SEC61A2: variants seen among roughly 807,000 people sequenced by gnomAD.
SEC61A2 encodes the protein protein transport protein Sec61 subunit alpha isoform 2.
SEC61A2 carries 28 observed loss-of-function variants against 59.9 expected under a neutral mutation model. The ratio of observed to expected loss-of-function variants is 0.47; its 90% CI spans 0.35 to 0.64. The LOEUF (loss-of-function observed/expected upper bound fraction) is 0.64. Among genes scored for constraint, SEC61A2 ranks in the 30% least tolerant of loss-of-function variants. SEC61A2 has a pLI of 0.01. For synonymous variants in SEC61A2, 202 were observed against 214.4 expected (o/e 0.94, Z 0.50); for missense variants, 340 against 585.9 (o/e 0.58, Z 4.33).
downstream of SEC61A2, chr10:12,166,715 C>T (rs751355003): frequency 3.5e-5 from 18 of 510,134 alleles, no homozygotes; most frequent in African/African-American, 3.3e-4. Context: ...ACTGGAAAGT[C>T]CTGGAAAATC....
chr10:12,138,364 T>TA (rs1182927090), intron 3 of SEC61A2, among the ~76,000 whole-genome samples: 1 of 150,964 alleles, frequency 6.6e-6, no homozygotes, highest in East Asian at 1.9e-4. Context: ...TCCCCACCAT[T>TA]AAAAAAAAAG....
intron 4 of SEC61A2, among the ~76,000 whole-genome samples, chr10:12,146,852 C>G (rs1186531663): frequency 6.6e-6 from 1 of 151,834 alleles, no homozygotes; most frequent in Non-Finnish European, 1.5e-5. Context: ...TGTAAGAGCT[C>G]TTTGCACATG....
rs1301144583 is a variant in SEC61A2, at chr10:12,152,368, C to G, written c.462+2407C>G. ...ATGCTGGGATTACAGGCGTGAGCCA[C>G]CACGCCCCGCCCAGGGCAGGAATTT... On this transcript the variant is annotated intron_variant, in intron 6 of 11. Coordinates refer to ENST00000298428, the MANE Select transcript of SEC61A2 (RefSeq NM_018144.4). This position sits in a 1 kb window ranked among gnomAD's most constrained non-coding sequence, Gnocchi z 5.5. 6.7e-6 allele frequency among the ~76,000 whole-genome samples: 1 copy of G among 150,018 alleles called. No individual in the cohort carries two copies. Among genetic ancestry groups the G allele is most frequent in the Non-Finnish European group, 1.5e-5 (1 of 67,548 alleles).
At chr10:12,141,054 C>A (rs941346837) in intron 3 of SEC61A2, among the ~76,000 whole-genome samples, 4 of 152,164 alleles carry the variant, frequency 2.6e-5, no homozygotes, top group Non-Finnish European at 5.9e-5. Flanking sequence ...CACGAGCCGC[C>A]ACTCCCTGCT....
chr10:12,152,120 G>C lies in SEC61A2; in HGVS notation c.462+2159G>C, dbSNP rs374252853. On this transcript the variant is annotated intron_variant, in intron 6 of 11. Transcript: ENST00000298428. The surrounding 1 kb of genome is among the most constrained non-coding windows in gnomAD (Gnocchi z 5.5). ...TTTTTTCGAGACGGAGTCCTGCTCT[G>C]TCTCCCAGACTAAAGTGCAGTGGTG... Among the ~76,000 whole-genome samples the C allele has an allele frequency of 6.7e-6, 1 of 149,406 alleles. No homozygotes were observed. The highest frequency in any genetic ancestry group is 2.0e-4 in the East Asian group (1 of 5,022).
chr10:12,134,353 A>G (rs926973445), intron 2 of SEC61A2, among the ~76,000 whole-genome samples: 1 of 152,150 alleles, frequency 6.6e-6, no homozygotes, highest in African/African-American at 2.4e-5. Flanking sequence ...TGTTCCATTA[A>G]CATTTAAGGC....
At chr10:12,138,733 T>G (rs1448169856) in intron 3 of SEC61A2, among the ~76,000 whole-genome samples, 1 of 152,258 alleles carries the variant, frequency 6.6e-6, no homozygotes, top group Non-Finnish European at 1.5e-5. Context: ...GTTCTGATGT[T>G]GAAGTTATCA....
chr10:12,151,915 G>C (rs887760370), intron 6 of SEC61A2, among the ~76,000 whole-genome samples: 3 of 152,060 alleles, frequency 2.0e-5, no homozygotes, highest in Non-Finnish European at 4.4e-5. Flanking sequence ...TGGGATTACA[G>C]AGCATTCTGT....
chr10:12,166,660 C>G (rs1181321010), downstream of SEC61A2: 2 of 480,864 alleles, frequency 4.2e-6, no homozygotes, highest in African/African-American at 4.0e-5. Context: ...AGAAACATGA[C>G]TTAGGGCTGG....
In SEC61A2 at chr10:12,162,131, G is replaced by A; in HGVS notation, c.1168-82G>A. ...ATTGTATGTTACGTGTTAGTGTGTG[G>A]CGAGCACTTCGCATAGAACGTGGTA... On this transcript the variant is annotated intron_variant, in intron 10 of 11. Coordinates refer to ENST00000298428, the MANE Select transcript of SEC61A2 (RefSeq NM_018144.4). The surrounding 1 kb of genome is among the most constrained non-coding windows in gnomAD (Gnocchi z 6.1). 1 of 1,035,772 alleles carries A rather than the reference G, an allele frequency of 9.7e-7. No individual in the cohort carries two copies. Among genetic ancestry groups the A allele is most frequent in the South Asian group, 1.3e-5 (1 of 76,506 alleles). 64.2% of individuals were successfully genotyped at this position (1,035,772 alleles called of 1,614,324 possible).
intron 3 of SEC61A2, among the ~76,000 whole-genome samples, chr10:12,137,974 C>G (rs1833926507): frequency 1.3e-5 from 2 of 152,142 alleles, no homozygotes; most frequent in African/African-American, 4.8e-5. Flanking sequence ...CCATTGCACT[C>G]AAACCTGGGC....
In SEC61A2 at chr10:12,153,610, CTGA is replaced by C. The variant is rs1219021517; in HGVS notation, c.463-2166_463-2164del. ...ATGAAACAAGTGAAGTGGATGTACA[CTGA>C]TTCATTTACATGAATTCTGATACAC... On this transcript the variant is annotated intron_variant, in intron 6 of 11. Coordinates refer to ENST00000298428, the MANE Select transcript of SEC61A2 (RefSeq NM_018144.4). This position sits in a 1 kb window ranked among gnomAD's most constrained non-coding sequence, Gnocchi z 5.2. The C allele has an allele frequency of 6.5e-5, 65 of 998,650 alleles. No homozygotes were observed. The highest frequency in any genetic ancestry group is 8.9e-5 in the Non-Finnish European group (62 of 696,130). 61.9% of individuals were successfully genotyped at this position (998,650 alleles called of 1,614,324 possible).
In SEC61A2 at chr10:12,165,057, C is replaced by T; in HGVS notation, c.*603C>T. 1.0e-6 allele frequency: 1 copy of T among 987,344 alleles called. No individual in the cohort carries two copies. Among genetic ancestry groups the T allele is most frequent in the Non-Finnish European group, 1.2e-6 (1 of 830,730 alleles). The allele number at this position is 987,344 out of a possible 1,614,324, so 61.2% of individuals were successfully genotyped here. A position where few individuals can be genotyped will look rare whatever the true frequency, so the allele number is the denominator to read the frequency against. ...TCTAAGGCCTCCTCCTTCTCCTCCT[C>T]CTCTTCCTCTTCCTCCTTTTCCTTC... On this transcript the variant is annotated 3_prime_UTR_variant, in exon 12 of 12. Coordinates refer to ENST00000298428, the MANE Select transcript of SEC61A2 (RefSeq NM_018144.4).
Position 12,153,739 on chromosome 10 carries a change from C to T in SEC61A2, c.463-2039C>T, listed in dbSNP as rs760084917. The T allele has an allele frequency of 8.7e-6, 14 of 1,611,144 alleles. No individual in the cohort carries two copies. The highest frequency in any genetic ancestry group is 3.4e-5 in the Admixed American group (2 of 59,644). The stretch of plus-strand genomic sequence containing the variant: ...GTGACCCATTGGTGTCTTTTCAAGG[C>T]GTTACTAACATTGAAAATATGTGGA... On this transcript the variant is annotated intron_variant, in intron 6 of 11. Coordinates refer to ENST00000298428, the MANE Select transcript of SEC61A2 (RefSeq NM_018144.4). The surrounding 1 kb of genome is among the most constrained non-coding windows in gnomAD (Gnocchi z 5.2).
In SEC61A2 at chr10:12,152,782, A is replaced by G. The variant is rs1003847429; in HGVS notation, c.462+2821A>G. Among the ~76,000 whole-genome samples the G allele has an allele frequency of 6.6e-6, 1 of 152,058 alleles. No homozygotes were observed. Among genetic ancestry groups the G allele is most frequent in the East Asian group, 1.9e-4 (1 of 5,186 alleles). ...GTGGCAGGAGCCTGTAGTCCCAGCT[A>G]TTTGGGAGGCTGAGGCCGAACCCAG... is the stretch of plus-strand genomic sequence containing the variant. On this transcript the variant is annotated intron_variant, in intron 6 of 11. Transcript: ENST00000298428. The surrounding 1 kb of genome is among the most constrained non-coding windows in gnomAD (Gnocchi z 5.5).
chr10:12,164,958 T>C lies in SEC61A2; in HGVS notation c.*504T>C, dbSNP rs1834630903. On this transcript the variant is annotated 3_prime_UTR_variant, in exon 12 of 12. Transcript: ENST00000298428. The surrounding 1 kb of genome is among the most constrained non-coding windows in gnomAD (Gnocchi z 7.3). ...CTCCCCACCCCCACCTCATTTTTAT[T>C]TGTCCCTTCTCAAAGCAGCCACTTA... 2.0e-6 allele frequency: 2 copies of C among 983,734 alleles called. No homozygotes were observed. Among genetic ancestry groups the C allele is most frequent in the Non-Finnish European group, 2.4e-6 (2 of 828,660 alleles). The allele number at this position is 983,734 out of a possible 1,614,324, so 60.9% of individuals were successfully genotyped here.
intron 2 of SEC61A2, among the ~76,000 whole-genome samples, chr10:12,134,046 C>CAG (rs1833823828): frequency 6.9e-6 from 1 of 144,474 alleles, no homozygotes; most frequent in Admixed American, 7.0e-5. Flanking sequence ...TCGCTCTGTC[C>CAG]CCCAGGCTGG....
chr10:12,165,096 T>C lies in SEC61A2; in HGVS notation c.*642T>C. On this transcript the variant is annotated 3_prime_UTR_variant, in exon 12 of 12. Transcript: ENST00000298428. ...TCCTTTTCCTTCTCCTCCTCCTCTC[T>C]TCCCAGTGACAGCATCATCGTGCTG... 1.0e-6 allele frequency: 1 copy of C among 986,500 alleles called. No individual in the cohort carries two copies. The highest frequency in any genetic ancestry group is 1.7e-5 in the African/African-American group (1 of 57,150). 61.1% of individuals were successfully genotyped at this position (986,500 alleles called of 1,614,324 possible). A position where few individuals can be genotyped will look rare whatever the true frequency, so the allele number is the denominator to read the frequency against.
downstream of SEC61A2, chr10:12,167,817 G>A (rs376017113): frequency 1.9e-3 from 2,994 of 1,613,120 alleles, 3 homozygotes; most frequent in Non-Finnish European, 2.3e-3. Context: ...CAGAGCTGTG[G>A]AAAGCAAAGA....
Sources: gnomAD v4.1 joint callset for allele counts (sites outside exome capture counted in the v4.1 genomes callset) on GRCh38, gnomAD v4.1.1 for gene constraint, Gnocchi (gnomAD v3.1) non-coding constraint, MANE v1.5 for transcripts, NCBI Gene and HGNC (gene_info 2026-07-23, HGNC 2026-07-21) for gene names.